PHKB: variants seen among roughly 807,000 people sequenced by gnomAD.
PHKB encodes phosphorylase b kinase regulatory subunit beta.
A neutral mutation model predicts 152.1 loss-of-function variants in PHKB; 122 were observed. That is an observed-to-expected ratio of 0.80 (90% CI 0.69 to 0.93). The LOEUF (loss-of-function observed/expected upper bound fraction) is 0.93, where lower values mean the gene tolerates loss of function less well. Among genes scored for constraint, PHKB ranks in the 40% least tolerant of loss-of-function variants. The probability of loss-of-function intolerance (pLI) is 0.00; values close to 1 mark genes in which losing one functional copy is unlikely to be tolerated. For synonymous variants in PHKB, 436 were observed against 464.9 expected, an observed-to-expected ratio of 0.94 and a Z score of 0.80; for missense variants, 1,304 against 1,328.4, an observed-to-expected ratio of 0.98 and a Z score of 0.29.
At chr16:47,682,271 G>T (rs1013994876) in intron 26 of PHKB, among the ~76,000 whole-genome samples, 1 of 152,094 alleles carries the variant, frequency 6.6e-6, no homozygotes, top group African/African-American at 2.4e-5. Context: ...GTATCTTTGT[G>T]GCGTTCTCTG....
At chr16:47,592,532 A>G (rs753918517) in intron 10 of PHKB, among the ~76,000 whole-genome samples, 16 of 152,374 alleles carry the variant, frequency 1.1e-4, no homozygotes, top group Admixed American at 2.0e-4. Context: ...TCCCCAGTGA[A>G]TTCCATCCAG....
chr16:47,467,434 G>T (rs534293637), intron 1 of PHKB, among the ~76,000 whole-genome samples: 109 of 152,188 alleles, frequency 7.2e-4, no homozygotes, highest in African/African-American at 2.5e-3. Context: ...GTTTCTGATA[G>T]TTTCCATGGA....
At position 47,660,775 on chromosome 16, in the gene PHKB, GAA is replaced by G. The variant is rs1452786513; in HGVS notation, c.2153_2154del (p.Glu718ValfsTer15). ...LGQQPDVNISEWKDKPTHEIL... is the reference protein window; with the variant it reads ...LGQQPDVNISXWKDKPTHEIL... ...ACAGCAGCCGGATGTCAACATTAGT[GAA>G]TGGAAGGACAAACCCACCCACGAAA... On this transcript the variant is annotated frameshift_variant, in exon 22 of 31. Transcript: ENST00000323584. LOFTEE classifies it high-confidence loss of function. 1.2e-6 allele frequency: 2 copies of G among 1,613,984 alleles called. No homozygotes were observed. Among genetic ancestry groups the G allele is most frequent in the African/African-American group, 2.7e-5 (2 of 74,922 alleles).
chr16:47,461,825 G>C (rs1231615001), intron 1 of PHKB, among the ~76,000 whole-genome samples: 1 of 152,220 alleles, frequency 6.6e-6, no homozygotes, highest in African/African-American at 2.4e-5. Context: ...GACCAAGTCA[G>C]ATGTAACTAC....
intron 1 of PHKB, among the ~76,000 whole-genome samples, chr16:47,475,029 C>A (rs1359848716): frequency 6.6e-6 from 1 of 152,124 alleles, no homozygotes; most frequent in Non-Finnish European, 1.5e-5. Flanking sequence ...TGGACTATTT[C>A]TTTCATGGGG....
At chr16:47,587,152 C>G (rs1337984466) in intron 8 of PHKB, among the ~76,000 whole-genome samples, 1 of 152,040 alleles carries the variant, frequency 6.6e-6, no homozygotes, top group Non-Finnish European at 1.5e-5. Flanking sequence ...AAGCATAGTG[C>G]CTGATGTGGT....
chr16:47,577,853 G>T (rs114658257), intron 7 of PHKB, among the ~76,000 whole-genome samples: 1 of 152,096 alleles, frequency 6.6e-6, no homozygotes, highest in Non-Finnish European at 1.5e-5. Flanking sequence ...TTCTGTTTGT[G>T]TTTCACTCAG....
intron 6 of PHKB, among the ~76,000 whole-genome samples, chr16:47,544,031 A>G (rs1212816753): frequency 6.6e-6 from 1 of 152,130 alleles, no homozygotes; most frequent in African/African-American, 2.4e-5. Context: ...ATCTTTTCAA[A>G]AAACCAGCTC....
chr16:47,566,088 A>G (rs1375982257), intron 7 of PHKB: 6 of 657,182 alleles, frequency 9.1e-6, no homozygotes, highest in Middle Eastern at 8.1e-4. Flanking sequence ...GCCATTGCCT[A>G]TCTGGGAATC....
chr16:47,649,151 C>G lies in PHKB; in HGVS notation c.1744C>G (p.Leu582Val). The G allele has an allele frequency of 2.5e-6, 4 of 1,610,928 alleles. No homozygotes were observed. The highest frequency in any genetic ancestry group is 3.4e-6 in the Non-Finnish European group (4 of 1,177,202). The part of the protein sequence containing the change: ...TVVCYPIIFD[L>V]SDFYMSQDVF... Reference sequence around the variant, plus strand: ...GGTTTGTTACCCGATTATTTTCGACCTAAGTGATTTCTACATGTCTCAGGA... The same window carrying G: ...GGTTTGTTACCCGATTATTTTCGACGTAAGTGATTTCTACATGTCTCAGGA... Residue 582 changes from leucine (L) to valine (V), a missense_variant, in exon 18 of 31, where the codon CTA becomes GTA. Coordinates refer to ENST00000323584, the MANE Select transcript of PHKB (RefSeq NM_000293.3).
chr16:47,698,111 C>T (rs1260005930), intron 29 of PHKB, among the ~76,000 whole-genome samples: 1 of 152,156 alleles, frequency 6.6e-6, no homozygotes, highest in East Asian at 1.9e-4. Context: ...CAAGGATTGA[C>T]ACCCAAAGGC....
At chr16:47,468,217 C>T (rs1325659897) in intron 1 of PHKB, among the ~76,000 whole-genome samples, 2 of 152,198 alleles carry the variant, frequency 1.3e-5, no homozygotes, top group Non-Finnish European at 2.9e-5. Context: ...GTCCACACTA[C>T]AGAAATAGCC....
chr16:47,610,085 C>T (rs1972398420), intron 13 of PHKB, among the ~76,000 whole-genome samples: 2 of 151,716 alleles, frequency 1.3e-5, no homozygotes, highest in Non-Finnish European at 2.9e-5. Context: ...TTCCACCTCC[C>T]AGGTTCAAGC....
intron 16 of PHKB, among the ~76,000 whole-genome samples, chr16:47,646,530 TAA>T (rs1208539721): frequency 2.7e-4 from 12 of 44,674 alleles, no homozygotes; most frequent in African/African-American, 5.8e-4. Flanking sequence ...TAGAGTATAA[TAA>T]AAAAAAAAAA....
At chr16:47,609,951 C>T (rs1478910410) in intron 13 of PHKB, among the ~76,000 whole-genome samples, 1 of 151,404 alleles carries the variant, frequency 6.6e-6, no homozygotes, top group Non-Finnish European at 1.5e-5. Context: ...CCTTCTGTTG[C>T]TTTTGATTTA....
intron 14 of PHKB, among the ~76,000 whole-genome samples, chr16:47,633,555 G>T (rs1972864206): frequency 6.6e-6 from 1 of 152,182 alleles, no homozygotes; most frequent in Non-Finnish European, 1.5e-5. Context: ...AGGGACAAAA[G>T]ATATTTGGAT....
chr16:47,591,333 A>G (rs546208252), intron 10 of PHKB, among the ~76,000 whole-genome samples: 1 of 151,688 alleles, frequency 6.6e-6, no homozygotes, highest in African/African-American at 2.4e-5. Context: ...CATCCCGCTT[A>G]CTCTTTCCCC....
intron 27 of PHKB, among the ~76,000 whole-genome samples, chr16:47,689,729 A>G (rs1028416302): frequency 6.6e-6 from 1 of 152,246 alleles, no homozygotes; most frequent in African/African-American, 2.4e-5. Flanking sequence ...GTATTTATTG[A>G]GTACATTTGT....
intron 14 of PHKB, among the ~76,000 whole-genome samples, chr16:47,619,979 A>G (rs1474083650): frequency 6.6e-6 from 1 of 152,234 alleles, no homozygotes; most frequent in Non-Finnish European, 1.5e-5. Context: ...TATACTAATT[A>G]GAATACAGAA....
Sources: gnomAD v4.1 joint callset for allele counts (sites outside exome capture counted in the v4.1 genomes callset) on GRCh38, gnomAD v4.1.1 for gene constraint, MANE v1.5 for transcripts, NCBI Gene and HGNC (gene_info 2026-07-23, HGNC 2026-07-21) for gene names.